YAP1: variants seen among roughly 807,000 people sequenced by gnomAD.
The protein encoded by YAP1 is Yes1 associated transcriptional regulator, also known as transcriptional coactivator YAP1.
Under a neutral mutation model 56.9 loss-of-function variants are expected in YAP1, and 5 were observed. The ratio of observed to expected loss-of-function variants is 0.09; its 90% CI spans 0.05 to 0.18. The LOEUF (loss-of-function observed/expected upper bound fraction) is 0.18. Among genes scored for constraint, YAP1 ranks in the 10% least tolerant of loss-of-function variants. YAP1 has a pLI of 1.00. For missense variants in YAP1, 539 were observed against 651.8 expected (o/e 0.83, Z 1.88); for synonymous variants, 265 against 248.1 (o/e 1.07, Z -0.64).
In YAP1 at chr11:102,213,122, G is replaced by C. The variant is rs191185597; in HGVS notation, c.1032+3558G>C. On this transcript the variant is annotated intron_variant, in intron 6 of 8. Coordinates refer to ENST00000282441, the MANE Select transcript of YAP1 (RefSeq NM_001130145.3). The stretch of plus-strand genomic sequence containing the variant: ...TAGCTTCTGTTTTAAGGTCTTTTGA[G>C]AGAAGAACTTTGAGGAAAGATAGTC... Among the ~76,000 whole-genome samples the C allele has an allele frequency of 2.0e-5, 3 of 152,332 alleles. No homozygotes were observed. The East Asian group carries it at 5.8e-4, about 29-fold the overall frequency.
intron 2 of YAP1, among the ~76,000 whole-genome samples, chr11:102,117,402 A>G (rs762744524): frequency 2.6e-5 from 4 of 152,258 alleles, no homozygotes; most frequent in Admixed American, 6.5e-5. Context: ...TACAAAGTCT[A>G]TAACTTATTG....
chr11:102,145,001 G>A (rs1945250889), intron 2 of YAP1, among the ~76,000 whole-genome samples: 1 of 152,060 alleles, frequency 6.6e-6, no homozygotes, highest in African/African-American at 2.4e-5. Context: ...AGAGGGATTA[G>A]TATGTCAAAT....
chr11:102,167,397 TAAGTC>T (rs1044548468), intron 3 of YAP1, among the ~76,000 whole-genome samples: 69 of 152,344 alleles, frequency 4.5e-4, no homozygotes, highest in African/African-American at 1.6e-3. Context: ...TATGTATAAA[TAAGTC>T]TAGTCTATTA....
intron 4 of YAP1, among the ~76,000 whole-genome samples, chr11:102,188,553 C>A (rs1320499569): frequency 6.6e-6 from 1 of 152,186 alleles, no homozygotes; most frequent in East Asian, 1.9e-4. Flanking sequence ...CTATATGATT[C>A]TAATACTGTG....
Position 102,230,016 on chromosome 11 carries a change from G to C in YAP1, c.*76G>C. The C allele has an allele frequency of 5.4e-6, 7 of 1,303,116 alleles. No homozygotes were observed. Among genetic ancestry groups the C allele is most frequent in the Non-Finnish European group, 7.6e-6 (7 of 916,892 alleles). The allele number at this position is 1,303,116 out of a possible 1,614,324, so 80.7% of individuals were successfully genotyped here. A position where few individuals can be genotyped will look rare whatever the true frequency, so the allele number is the denominator to read the frequency against. Reference sequence around the variant, plus strand: ...ATGCACCGGAAATTTCCATAAGCCAGTTGCAGTTTTCAGGCTAATACAGAA... The same window carrying C: ...ATGCACCGGAAATTTCCATAAGCCACTTGCAGTTTTCAGGCTAATACAGAA... On this transcript the variant is annotated 3_prime_UTR_variant, in exon 9 of 9. Coordinates refer to ENST00000282441, the MANE Select transcript of YAP1 (RefSeq NM_001130145.3).
chr11:102,110,903 C>T lies in YAP1; in HGVS notation c.55C>T (p.Pro19Ser), dbSNP rs1402910700. The T allele has an allele frequency of 4.2e-6, 6 of 1,435,246 alleles. No individual in the cohort carries two copies. Among genetic ancestry groups the T allele is most frequent in the South Asian group, 1.4e-5 (1 of 71,032 alleles). 88.9% of individuals were successfully genotyped at this position (1,435,246 alleles called of 1,614,324 possible). Residue 19 changes from proline (P) to serine (S), a missense_variant, in exon 1 of 9, where the codon CCG (proline) becomes TCG (serine). Coordinates refer to ENST00000282441, the MANE Select transcript of YAP1 (RefSeq NM_001130145.3). ...PQPAPQGQGQ[P>S]PSQPPQGQGP... ...ACCGGCCCCCCAGGGCCAAGGGCAG[C>T]CGCCTTCGCAGCCCCCGCAGGGGCA...
chr11:102,124,769 T>C (rs554739432), intron 2 of YAP1, among the ~76,000 whole-genome samples: 1 of 152,252 alleles, frequency 6.6e-6, no homozygotes, highest in East Asian at 1.9e-4. Flanking sequence ...GCGGTCTCAC[T>C]CTGCTGCCCA....
chr11:102,164,340 A>T (rs1253413741), intron 3 of YAP1, among the ~76,000 whole-genome samples: 1 of 152,192 alleles, frequency 6.6e-6, no homozygotes, highest in Non-Finnish European at 1.5e-5. Context: ...GCCCCTAATT[A>T]AAAAAATTTT....
intron 7 of YAP1, among the ~76,000 whole-genome samples, chr11:102,224,931 TC>T (rs2135708830): frequency 6.6e-6 from 1 of 152,174 alleles, no homozygotes; most frequent in East Asian, 1.9e-4. Context: ...GCTATATTAA[TC>T]CCAGGGATAA....
chr11:102,171,302 T>C (rs1946886668), intron 3 of YAP1, among the ~76,000 whole-genome samples: 1 of 152,224 alleles, frequency 6.6e-6, no homozygotes, highest in African/African-American at 2.4e-5. Flanking sequence ...AGGAGGAATA[T>C]TTGTGTGAAA....
chr11:102,155,683 C>A (rs1400557765), intron 2 of YAP1, among the ~76,000 whole-genome samples: 1 of 152,164 alleles, frequency 6.6e-6, no homozygotes, highest in Non-Finnish European at 1.5e-5. Flanking sequence ...TGGTGATTTA[C>A]CCTTTGGGAA....
chr11:102,125,517 C>T (rs1256336195), intron 2 of YAP1, among the ~76,000 whole-genome samples: 1 of 151,800 alleles, frequency 6.6e-6, no homozygotes, highest in Non-Finnish European at 1.5e-5. Flanking sequence ...GCTGGGATTA[C>T]AGGCATGCGT....
At chr11:102,137,500 C>T (rs577617623) in intron 2 of YAP1, among the ~76,000 whole-genome samples, 6 of 152,214 alleles carry the variant, frequency 3.9e-5, no homozygotes, top group Middle Eastern at 6.8e-3. Flanking sequence ...TATGAATGTT[C>T]GCTGTACAAG....
intron 3 of YAP1, among the ~76,000 whole-genome samples, chr11:102,180,799 G>A (rs1316148940): frequency 6.6e-6 from 1 of 151,796 alleles, no homozygotes; most frequent in Non-Finnish European, 1.5e-5. Flanking sequence ...CTCTTCATCT[G>A]TATTGAGGAA....
At chr11:102,178,698 A>G (rs1010908813) in intron 3 of YAP1, among the ~76,000 whole-genome samples, 5 of 152,186 alleles carry the variant, frequency 3.3e-5, no homozygotes, top group African/African-American at 1.2e-4. Flanking sequence ...TATATTGCCT[A>G]CTACTCTCTT....
intron 3 of YAP1, among the ~76,000 whole-genome samples, chr11:102,165,195 C>CAAAA (rs1346024422): frequency 7.9e-6 from 1 of 127,154 alleles, no homozygotes. Flanking sequence ...CTTGTCTCTA[C>CAAAA]AAAAAAAAAA....
chr11:102,181,758 TC>T (rs952895364), intron 3 of YAP1, among the ~76,000 whole-genome samples: 4 of 152,334 alleles, frequency 2.6e-5, no homozygotes, highest in African/African-American at 9.6e-5. Flanking sequence ...TGTGTATAAC[TC>T]AGATAAATTT....
At chr11:102,112,818 C>T (rs974855546) in intron 1 of YAP1, 1 of 962,040 alleles carries the variant, frequency 1.0e-6, no homozygotes. Flanking sequence ...TGGCATGCAC[C>T]CTACAGACTG....
chr11:102,213,631 A>C (rs1269513881), intron 6 of YAP1, among the ~76,000 whole-genome samples: 1 of 152,166 alleles, frequency 6.6e-6, no homozygotes, highest in Admixed American at 6.5e-5. Context: ...CTCTTCCATT[A>C]TTAGCTAAGT....
Sources: allele counts gnomAD v4.1 joint callset (sites outside exome capture counted in the v4.1 genomes callset), GRCh38; gene constraint gnomAD v4.1.1; transcripts MANE v1.5; gene names NCBI Gene and HGNC (gene_info 2026-07-23, HGNC 2026-07-21).